Variants in BSCL2 observed in about 807,000 individuals in gnomAD.
BSCL2 encodes the protein seipin.
A neutral mutation model predicts 57.4 loss-of-function variants in BSCL2; 41 were observed. The observed-to-expected ratio is 0.71, with a 90% CI of 0.56 to 0.93. BSCL2 has a LOEUF of 0.93. Among genes scored for constraint, BSCL2 ranks in the 40% least tolerant of loss-of-function variants. The pLI, the probability that BSCL2 is intolerant of heterozygous loss-of-function variation, is 0.00. For synonymous variants in BSCL2, 237 were observed against 227.3 expected, an observed-to-expected ratio of 1.04 and a Z score of -0.38; for missense variants, 539 against 586.7, an observed-to-expected ratio of 0.92 and a Z score of 0.84.
chr11:62,709,457 G>A (rs1262212612), upstream of BSCL2: 1 of 453,948 alleles, frequency 2.2e-6, no homozygotes, highest in East Asian at 6.9e-5. Flanking sequence ...ACAGGCCGAA[G>A]AGGGGGGATT....
chr11:62,694,531 TCCTC>T, intron 4 of BSCL2, 33 bp downstream of exon 4: 1 of 1,613,636 alleles, frequency 6.2e-7, no homozygotes, highest in Non-Finnish European at 8.5e-7. Flanking sequence ...CCTGCCATCT[TCCTC>T]CACACCTTCT....
rs1945679181 is a variant in BSCL2 at position 62,702,639 on chromosome 11, C to T, written c.405-90G>A. On this transcript the variant is annotated intron_variant, in intron 2 of 10. Transcript: ENST00000360796. ...TTGCCCCCTAGGGCTCCCTCCTGCC[C>T]TCCTCCCTTCTCTCAGAACAGGCAC... 15 of 1,024,672 alleles carry T rather than the reference C, an allele frequency of 1.5e-5. No homozygotes were observed. The South Asian group carries it at 1.9e-4, about 13-fold the overall frequency. The allele number at this position is 1,024,672 out of a possible 1,614,324, so 63.5% of individuals were successfully genotyped here.
At chr11:62,700,317 C>T (rs1456054517) in intron 3 of BSCL2, among the ~76,000 whole-genome samples, 2 of 152,002 alleles carry the variant, frequency 1.3e-5, no homozygotes, top group Non-Finnish European at 2.9e-5. Context: ...TCTATCATTA[C>T]ATCAGTTTCC....
chr11:62,692,810 G>A lies in BSCL2; in HGVS notation c.631-13C>T, dbSNP rs778683153. The A allele has an allele frequency of 1.9e-6, 3 of 1,612,422 alleles. No homozygotes were observed. The Admixed American group carries it at 5.0e-5, about 27-fold the overall frequency. ...AATGCAGCATCACCTGCCGGGGGTG[G>A]GAAGCAGAGGCTGGGGACAGGTGCA... is the stretch of plus-strand genomic sequence containing the variant. On this transcript the variant is annotated splice_polypyrimidine_tract_variant and intron_variant, in intron 4 of 10. Transcript: ENST00000360796.
At chr11:62,706,119 C>T (rs2083527149) in intron 1 of BSCL2, 1 of 730,510 alleles carries the variant, frequency 1.4e-6, no homozygotes, top group Non-Finnish European at 1.7e-6. Flanking sequence ...ACACCCCACG[C>T]CCGGCGGAGC....
At chr11:62,696,278 T>TG (rs371756427) in intron 3 of BSCL2, among the ~76,000 whole-genome samples, 88 of 136,320 alleles carry the variant, frequency 6.5e-4, no homozygotes, top group African/African-American at 1.7e-3. Context: ...CATAAACTTT[T>TG]TGTGTGTGTG....
At chr11:62,696,573 T>A (rs1945471874) in intron 3 of BSCL2, among the ~76,000 whole-genome samples, 1 of 152,132 alleles carries the variant, frequency 6.6e-6, no homozygotes, top group Admixed American at 6.6e-5. Context: ...TTTTCTTTTT[T>A]GAGACAGGAT....
chr11:62,709,210 C>T (rs1209631979), upstream of BSCL2: 2 of 456,194 alleles, frequency 4.4e-6, no homozygotes, highest in Non-Finnish European at 8.8e-6. Flanking sequence ...CAGGACAGCT[C>T]CTGTGTTAGA....
intron 1 of BSCL2, chr11:62,706,166 C>T (rs1428337341): frequency 3.9e-6 from 4 of 1,026,414 alleles, no homozygotes; most frequent in Non-Finnish European, 4.7e-6. Flanking sequence ...CCAGTCCCCT[C>T]CAGCTCGGGG....
chr11:62,700,568 G>T (rs564303361), intron 3 of BSCL2, among the ~76,000 whole-genome samples: 40 of 152,276 alleles, frequency 2.6e-4, no homozygotes, highest in Non-Finnish European at 4.9e-4. Flanking sequence ...TTGAACCCAG[G>T]GGGCAGAGGT....
rs957459239 is a variant in BSCL2 at position 62,690,293 on chromosome 11, T to C, written c.*74A>G. On this transcript the variant is annotated 3_prime_UTR_variant, in exon 11 of 11. Coordinates refer to ENST00000360796, the MANE Select transcript of BSCL2 (RefSeq NM_001122955.4). ...CAAGGAAGAAGCTGACACAAAATAG[T>C]TTATTGAAGGAAAAACGAGGGGAGA... 6.2e-7 allele frequency: 1 copy of C among 1,603,476 alleles called. No homozygotes were observed. The highest frequency in any genetic ancestry group is 8.5e-7 in the Non-Finnish European group (1 of 1,172,614).
chr11:62,705,203 T>C (rs944929822), intron 2 of BSCL2, 98 bp downstream of exon 2: 9 of 1,341,920 alleles, frequency 6.7e-6, no homozygotes, highest in Admixed American at 2.0e-5. Context: ...CTGGCTCCAG[T>C]TTTCCTTATC....
chr11:62,707,692 T>A (rs2083565765), upstream of BSCL2: 1 of 372,322 alleles, frequency 2.7e-6, no homozygotes, highest in Non-Finnish European at 5.1e-6. Flanking sequence ...GCATCCTTCA[T>A]CCTTCAGGTA....
At chr11:62,699,959 G>C (rs1414296784) in intron 3 of BSCL2, among the ~76,000 whole-genome samples, 1 of 151,892 alleles carries the variant, frequency 6.6e-6, no homozygotes, top group Non-Finnish European at 1.5e-5. Flanking sequence ...TGAGATTACA[G>C]GCGTGAGCCA....
At chr11:62,706,839 C>G (rs1229757465) in intron 1 of BSCL2, 15 of 594,126 alleles carry the variant, frequency 2.5e-5, no homozygotes, top group South Asian at 1.6e-4. Context: ...CTGACCCTAA[C>G]TGGATACACT....
upstream of BSCL2, chr11:62,708,499 G>T (rs1175761541): frequency 8.3e-7 from 1 of 1,198,656 alleles, no homozygotes; most frequent in Non-Finnish European, 1.2e-6. Context: ...ACTCCCTGAG[G>T]TCAGGGGAGG....
At chr11:62,691,649 A>G (rs1945312980) in intron 6 of BSCL2, among the ~76,000 whole-genome samples, 2 of 152,144 alleles carry the variant, frequency 1.3e-5, no homozygotes, top group Admixed American at 1.3e-4. Flanking sequence ...CACAGCCTCA[A>G]TGTTGTCTGT....
chr11:62,702,913 G>A (rs1945687337), intron 2 of BSCL2, among the ~76,000 whole-genome samples: 1 of 152,048 alleles, frequency 6.6e-6, no homozygotes, highest in African/African-American at 2.4e-5. Flanking sequence ...CACTTTTGGA[G>A]GCCGAGGAGG....
chr11:62,696,479 T>G (rs1945468214), intron 3 of BSCL2, among the ~76,000 whole-genome samples: 1 of 151,956 alleles, frequency 6.6e-6, no homozygotes, highest in African/African-American at 2.4e-5. Flanking sequence ...AAAATTTTTT[T>G]TTTTTTTTGG....
Sources: allele counts gnomAD v4.1 joint callset (sites outside exome capture counted in the v4.1 genomes callset), GRCh38; gene constraint gnomAD v4.1.1; transcripts MANE v1.5; gene names NCBI Gene and HGNC (gene_info 2026-07-23, HGNC 2026-07-21).